The following PCDH15 variants were observed in gnomAD, a reference collection of about 807,000 sequenced individuals.
The protein encoded by PCDH15 is protocadherin related 15.
In PCDH15, 129 loss-of-function variants were observed where a neutral mutation model predicts 178.5. That is an observed-to-expected ratio of 0.72 (90% confidence interval 0.63 to 0.84). The LOEUF (loss-of-function observed/expected upper bound fraction) is 0.84, where lower values mean the gene tolerates loss of function less well. Among genes scored for constraint, PCDH15 ranks in the 40% least tolerant of loss-of-function variants. PCDH15 has a pLI of 0.00. For missense variants in PCDH15, 2,230 were observed against 2,099.9 expected (o/e 1.06, Z -1.21); for synonymous variants, 800 against 732.0 (o/e 1.09, Z -1.50).
At chr10:54,964,757 T>A (rs185430773) in intron 2 of PCDH15, among the ~76,000 whole-genome samples, 100 of 152,286 alleles carry the variant, frequency 6.6e-4, no homozygotes, top group African/African-American at 2.3e-3. Context: ...AATTACATTA[T>A]TTTTATGTAG....
chr10:54,674,917 G>A (rs1352369112), intron 1 of PCDH15, among the ~76,000 whole-genome samples: 2 of 151,910 alleles, frequency 1.3e-5, no homozygotes, highest in Non-Finnish European at 1.5e-5. Context: ...TATGTTTGAG[G>A]GGCAAATAAA....
chr10:54,200,628 T>C (rs1361743506), intron 10 of PCDH15, among the ~76,000 whole-genome samples: 1 of 152,174 alleles, frequency 6.6e-6, no homozygotes, highest in African/African-American at 2.4e-5. Context: ...CGGTGCCTTT[T>C]ACATTGCTAA....
chr10:55,353,693 G>T (rs2131970181), intron 2 of PCDH15, among the ~76,000 whole-genome samples: 1 of 152,100 alleles, frequency 6.6e-6, no homozygotes, highest in Middle Eastern at 3.4e-3. Context: ...ACTGAGTCTT[G>T]TTTCATAACC....
At chr10:53,811,686 T>G (rs1309274898) in intron 35 of PCDH15, 67 bp from the exon 36 acceptor site, 1 of 918,594 alleles carries the variant, frequency 1.1e-6, no homozygotes, top group African/African-American at 1.7e-5. Context: ...CAAAGTCAGA[T>G]TTCTACACCT....
At chr10:54,285,078 AT>A (rs1272415132) in intron 8 of PCDH15, among the ~76,000 whole-genome samples, 4 of 152,172 alleles carry the variant, frequency 2.6e-5, no homozygotes, top group Non-Finnish European at 5.9e-5. Context: ...TTTTTCACCA[AT>A]TTTATTCAAT....
At chr10:55,080,973 T>A (rs75134975) in intron 2 of PCDH15, among the ~76,000 whole-genome samples, 6,854 of 152,114 alleles carry the variant, frequency 0.045, 347 homozygotes, top group East Asian at 0.14. Context: ...CCAAACAGAA[T>A]CTGTGCTGCT....
chr10:54,878,330 A>G (rs1321284915), intron 3 of PCDH15, among the ~76,000 whole-genome samples: 2 of 152,174 alleles, frequency 1.3e-5, no homozygotes, highest in Non-Finnish European at 2.9e-5. Flanking sequence ...TGTGTTTACT[A>G]TCTAGAAATA....
intron 8 of PCDH15, among the ~76,000 whole-genome samples, chr10:54,238,573 CAAATA>C (rs2054871790): frequency 6.6e-6 from 1 of 151,134 alleles, no homozygotes; most frequent in African/African-American, 2.4e-5. Flanking sequence ...ACGAAAATAC[CAAATA>C]AATATCAAAA....
rs1564595800 is a variant in PCDH15 at position 53,844,481 on chromosome 10, G to A, written c.3807-3985C>T. On this transcript the variant is annotated intron_variant, in intron 28 of 37. Transcript: ENST00000644397. The stretch of plus-strand genomic sequence containing the variant: ...CCAAAAAGAAAACACAAAAAATCAA[G>A]AAACAGAAAATTTGCTTTTTTGGAA... 2.0e-5 allele frequency among the ~76,000 whole-genome samples: 3 copies of A among 151,734 alleles called. No homozygotes were observed. The East Asian group carries it at 5.8e-4, about 29-fold the overall frequency.
At chr10:54,861,357 A>G (rs1255736374) in intron 3 of PCDH15, among the ~76,000 whole-genome samples, 1 of 152,184 alleles carries the variant, frequency 6.6e-6, no homozygotes, top group Non-Finnish European at 1.5e-5. Flanking sequence ...TGGACAAACT[A>G]GAATACCTAG....
chr10:54,308,942 A>G (rs774742240), intron 8 of PCDH15, among the ~76,000 whole-genome samples: 3 of 152,022 alleles, frequency 2.0e-5, no homozygotes, highest in Non-Finnish European at 4.4e-5. Context: ...TTGACTCTAG[A>G]TGTGTTATTT....
chr10:55,399,121 G>T (rs975457530), intron 2 of PCDH15, among the ~76,000 whole-genome samples: 4 of 151,986 alleles, frequency 2.6e-5, no homozygotes, highest in Non-Finnish European at 4.4e-5. Context: ...TATTCAAAAA[G>T]GCTTGGTTTG....
intron 1 of PCDH15, among the ~76,000 whole-genome samples, chr10:54,681,801 C>T (rs1044868861): frequency 2.0e-5 from 3 of 152,082 alleles, no homozygotes; most frequent in African/African-American, 7.2e-5. Flanking sequence ...AAAGATAGAG[C>T]TATTACCAAT....
At chr10:54,146,619 T>C (rs2043928639) in intron 14 of PCDH15, among the ~76,000 whole-genome samples, 1 of 151,768 alleles carries the variant, frequency 6.6e-6, no homozygotes, top group Non-Finnish European at 1.5e-5. Flanking sequence ...CACTAAACTA[T>C]GTACTATTCC....
chr10:54,678,037 C>G (rs1172406537), intron 1 of PCDH15, among the ~76,000 whole-genome samples: 2 of 152,024 alleles, frequency 1.3e-5, no homozygotes, highest in Non-Finnish European at 2.9e-5. Context: ...GATAATGTAC[C>G]AGGATGCTGA....
chr10:54,421,464 T>G (rs1181907060), intron 3 of PCDH15, among the ~76,000 whole-genome samples: 1 of 137,738 alleles, frequency 7.3e-6, no homozygotes, highest in African/African-American at 2.5e-5. Context: ...AAAATAAACT[T>G]TATTATATTT....
intron 1 of PCDH15, among the ~76,000 whole-genome samples, chr10:54,747,763 G>T (rs1945648590): frequency 6.6e-6 from 1 of 151,604 alleles, no homozygotes; most frequent in South Asian, 2.1e-4. Context: ...TTTCTGTCAA[G>T]GAGCCAATAT....
chr10:55,499,346 C>A (rs1589084436), intron 2 of PCDH15, among the ~76,000 whole-genome samples: 1 of 150,492 alleles, frequency 6.6e-6, no homozygotes, highest in Non-Finnish European at 1.5e-5. Flanking sequence ...TGCTATCAAC[C>A]ATCCTAAAAT....
rs150880906 is a variant in PCDH15 at position 54,899,032 on chromosome 10, A to C, written c.-79-1532T>G. On this transcript the variant is annotated intron_variant, in intron 2 of 5. Transcript: ENST00000458638. ...CTTGCTTAAGTCATGCAGCACATTC[A>C]TAACAAGCCTGGAATTGGAAGCTAT... Among the ~76,000 whole-genome samples the C allele has an allele frequency of 6.9e-3, 1,045 of 152,314 alleles. 38 individuals are homozygous for C. Among genetic ancestry groups the C allele is most frequent in the Admixed American group, 0.062 (941 of 15,286 alleles).
Sources: allele counts gnomAD v4.1 joint callset (sites outside exome capture counted in the v4.1 genomes callset), GRCh38; gene constraint gnomAD v4.1.1; transcripts MANE v1.5; gene names NCBI Gene and HGNC (gene_info 2026-07-23, HGNC 2026-07-21).